GSTCD: variants seen among roughly 807,000 people sequenced by gnomAD.
GSTCD encodes glutathione S-transferase C-terminal domain-containing protein.
In GSTCD, 44 loss-of-function variants were observed where a neutral mutation model predicts 68.3. That is an observed-to-expected ratio of 0.64 (90% confidence interval 0.51 to 0.83). GSTCD has a LOEUF of 0.83. Ranked by LOEUF, GSTCD falls within the 40% of genes least tolerant of loss-of-function variation. The pLI is 0.00. For synonymous variants in GSTCD, 273 were observed against 255.2 expected (o/e 1.07, Z -0.67); for missense variants, 739 against 735.9 (o/e 1.00, Z -0.05).
chr4:105,777,294 G>GTA (rs141774235), intron 5 of GSTCD, among the ~76,000 whole-genome samples: 92 of 151,360 alleles, frequency 6.1e-4, no homozygotes, highest in Admixed American at 9.9e-4. Context: ...GTATGTGTGT[G>GTA]TATATATATA....
At chr4:105,833,945 AG>A (rs11295565) in intron 8 of GSTCD, among the ~76,000 whole-genome samples, 16,603 of 152,258 alleles carry the variant, frequency 0.11, 1,397 homozygotes, top group African/African-American at 0.22. Flanking sequence ...ACATCTTAAA[AG>A]GGTACTACAT....
intron 5 of GSTCD, among the ~76,000 whole-genome samples, chr4:105,751,826 CTAAG>C (rs750223887): frequency 2.6e-5 from 4 of 152,082 alleles, no homozygotes; most frequent in Admixed American, 6.5e-5. Context: ...AAAACTGAAA[CTAAG>C]TATCTTATTT....
In GSTCD at chr4:105,717,871, A is replaced by G. The variant is rs770946509; in HGVS notation, c.258A>G (p.Gln86=). ...GGCAGGAGCTCCCACCAATAGTCCA[A>G]AATTGCTGTTTGCCTGCAGTAGTAG... ...ISRQELPPIV[Q]NCCLPAVVER... is the part of the protein sequence containing the mutation. Residue 86 remains glutamine, a synonymous_variant, in exon 2 of 12, where the codon CAA becomes CAG. Transcript: ENST00000515279. The G allele has an allele frequency of 3.1e-6, 5 of 1,614,128 alleles. No individual in the cohort carries two copies. Among genetic ancestry groups the G allele is most frequent in the East Asian group, 2.2e-5 (1 of 44,862 alleles).
chr4:105,739,074 G>A (rs913401049), intron 5 of GSTCD, among the ~76,000 whole-genome samples: 1 of 152,110 alleles, frequency 6.6e-6, no homozygotes, highest in Non-Finnish European at 1.5e-5. Flanking sequence ...ACTGCATTTT[G>A]TGTATCTATT....
chr4:105,810,727 A>C (rs1400810216), intron 5 of GSTCD, among the ~76,000 whole-genome samples: 1 of 152,182 alleles, frequency 6.6e-6, no homozygotes, highest in Non-Finnish European at 1.5e-5. Context: ...TTGAACTTTT[A>C]AACATCATTT....
At chr4:105,828,226 A>G (rs1468191453) in intron 8 of GSTCD, among the ~76,000 whole-genome samples, 1 of 152,218 alleles carries the variant, frequency 6.6e-6, no homozygotes, top group East Asian at 1.9e-4. Context: ...TATTTTGCCC[A>G]CAACATAATT....
Position 105,846,456 on chromosome 4 carries a change from T to A in GSTCD, c.*879T>A, listed in dbSNP as rs1373176896. 1 of 152,164 alleles carries A rather than the reference T, an allele frequency of 6.6e-6. No homozygotes were observed. Among genetic ancestry groups the A allele is most frequent in the Non-Finnish European group, 1.5e-5 (1 of 68,036 alleles). 9.4% of individuals were successfully genotyped at this position (152,164 alleles called of 1,614,324 possible). ...CAAATTATTAAATAATTGCCATAAA[T>A]TTCCTATTACGGGAATGTGGAATTT... On this transcript the variant is annotated 3_prime_UTR_variant, in exon 12 of 12. Transcript: ENST00000515279.
At position 105,716,819 on chromosome 4, in the gene GSTCD, A is replaced by G. The variant is rs116168464; in HGVS notation, c.-21-774A>G. 5.5e-3 allele frequency among the ~76,000 whole-genome samples: 845 copies of G among 152,278 alleles called. 5 individuals carry two copies. Among genetic ancestry groups the G allele is most frequent in the Middle Eastern group, 0.01 (3 of 294 alleles). On this transcript the variant is annotated intron_variant, in intron 1 of 11. Coordinates refer to ENST00000515279, the MANE Select transcript of GSTCD (RefSeq NM_001370181.1). ...GAGCAATGAAGAAAGTTAATGAGAC[A>G]AACTCTGAGACATAAAGGAGGATTA...
intron 5 of GSTCD, among the ~76,000 whole-genome samples, chr4:105,733,589 G>A (rs752179684): frequency 2.6e-5 from 4 of 152,258 alleles, no homozygotes; most frequent in Admixed American, 6.5e-5. Flanking sequence ...GTCTCTGCAC[G>A]TCAGATGGCT....
At chr4:105,824,449 T>G (rs1723483062) in intron 7 of GSTCD, among the ~76,000 whole-genome samples, 1 of 152,156 alleles carries the variant, frequency 6.6e-6, no homozygotes, top group Non-Finnish European at 1.5e-5. Flanking sequence ...TGAGTAATCT[T>G]GTCTAGAATA....
At chr4:105,790,386 T>C (rs901679330) in intron 5 of GSTCD, among the ~76,000 whole-genome samples, 2 of 152,114 alleles carry the variant, frequency 1.3e-5, no homozygotes, top group Non-Finnish European at 2.9e-5. Context: ...AGGCTGGGCA[T>C]GGTGGCTTAT....
Position 105,719,257 on chromosome 4 carries a change from T to C in GSTCD, c.624T>C (p.Val208=), listed in dbSNP as rs1415618625. The C allele has an allele frequency of 3.1e-6, 5 of 1,613,982 alleles. No homozygotes were observed. Among genetic ancestry groups the C allele is most frequent in the Non-Finnish European group, 2.5e-6 (3 of 1,180,006 alleles). The change falls in exon 3 of 12, where the codon GTT becomes GTC. Residue 208 remains valine (V), a synonymous_variant. Transcript: ENST00000515279. The part of the protein sequence containing the change: ...QKLKQQKADG[V]GPPLTKGKAK... ...TCAAGCAACAGAAGGCTGATGGAGT[T>C]GGGCCTCCCCTTACTAAGGGAAAGG...
intron 5 of GSTCD, among the ~76,000 whole-genome samples, chr4:105,735,914 CACA>C (rs1733445965): frequency 6.6e-6 from 1 of 151,966 alleles, no homozygotes; most frequent in Admixed American, 6.6e-5. Flanking sequence ...CTTAAATAAT[CACA>C]ATGCCATTAT....
rs1236567757 is a variant in GSTCD at position 105,834,585 on chromosome 4, T to G, written c.1655T>G (p.Phe552Cys). The G allele has an allele frequency of 6.2e-7, 1 of 1,613,798 alleles. No individual in the cohort carries two copies. Among genetic ancestry groups the G allele is most frequent in the Admixed American group, 1.7e-5 (1 of 59,972 alleles). ...GFIQNTSKFNFPKSEQFKKTL... is the reference protein window; with the variant it reads ...GFIQNTSKFNCPKSEQFKKTL... ...ATTCAGAACACCTCAAAGTTCAATTTTCCAAAAAGGTGAGAAATTCAGTGT... is the reference window on the plus strand; with the variant it reads ...ATTCAGAACACCTCAAAGTTCAATTGTCCAAAAAGGTGAGAAATTCAGTGT... Residue 552 changes from phenylalanine to cysteine, a missense_variant, in exon 9 of 12, where the codon TTT (phenylalanine) becomes TGT (cysteine). Phe to Cys is a radical substitution (Grantham distance 205). Coordinates refer to ENST00000515279, the MANE Select transcript of GSTCD (RefSeq NM_001370181.1).
At position 105,768,353 on chromosome 4, in the gene GSTCD, T is replaced by C. The variant is rs536980482; in HGVS notation, c.1240+38854T>C. 1.1e-4 allele frequency among the ~76,000 whole-genome samples: 16 copies of C among 152,308 alleles called. No individual in the cohort carries two copies. In the South Asian group the frequency reaches 3.3e-3, roughly 32 times the overall value. On this transcript the variant is annotated intron_variant, in intron 5 of 11. Coordinates refer to ENST00000515279, the MANE Select transcript of GSTCD (RefSeq NM_001370181.1). ...CCAATAATTTTTATATTCTTAAATC[T>C]GTGCCTATGTGTTTTTATACATAGT...
intron 5 of GSTCD, among the ~76,000 whole-genome samples, chr4:105,800,077 A>T (rs1409470449): frequency 6.6e-6 from 1 of 152,174 alleles, no homozygotes; most frequent in Non-Finnish European, 1.5e-5. Flanking sequence ...AAATACCTGT[A>T]TTAGTCCATT....
At chr4:105,814,703 A>G (rs571151059) in intron 5 of GSTCD, among the ~76,000 whole-genome samples, 4 of 152,324 alleles carry the variant, frequency 2.6e-5, no homozygotes, top group South Asian at 2.1e-4. Context: ...GCGGATATCA[A>G]TACTTTCCCA....
intron 5 of GSTCD, among the ~76,000 whole-genome samples, chr4:105,812,305 G>T (rs577129068): frequency 5.9e-5 from 9 of 152,040 alleles, no homozygotes; most frequent in Admixed American, 5.9e-4. Flanking sequence ...TTATTTGGTC[G>T]GTTGGTTTTG....
intron 3 of GSTCD, among the ~76,000 whole-genome samples, chr4:105,722,396 G>A (rs1487311768): frequency 6.6e-6 from 1 of 151,968 alleles, no homozygotes; most frequent in Non-Finnish European, 1.5e-5. Flanking sequence ...GTCCTCAAGA[G>A]CTTTTAGCTT....
Sources: allele counts gnomAD v4.1 joint callset (sites outside exome capture counted in the v4.1 genomes callset), GRCh38; gene constraint gnomAD v4.1.1; transcripts MANE v1.5; gene names NCBI Gene and HGNC (gene_info 2026-07-23, HGNC 2026-07-21).